SLC24A2: variants seen among roughly 807,000 people sequenced by gnomAD.
SLC24A2 encodes sodium/potassium/calcium exchanger 2.
SLC24A2 carries 36 observed loss-of-function variants against 62.0 expected under a neutral mutation model. The observed-to-expected ratio is 0.58, with a 90% confidence interval of 0.44 to 0.77. The LOEUF is 0.77. Ranked by LOEUF, SLC24A2 falls within the 30% of genes least tolerant of loss-of-function variation. The pLI is 0.00. For missense variants in SLC24A2, 846 were observed against 817.9 expected (o/e 1.03, Z -0.42); for synonymous variants, 358 against 294.0 (o/e 1.22, Z -2.23).
the SLC24A2 span, among the ~76,000 whole-genome samples, chr9:20,239,706 TA>T: frequency 1.3e-5 from 2 of 152,248 alleles, no homozygotes; most frequent in Admixed American, 6.5e-5. Flanking sequence ...CTCTGAACTT[TA>T]GATACCTGAA....
the SLC24A2 span, among the ~76,000 whole-genome samples, chr9:20,227,573 G>A: frequency 6.4e-4 from 92 of 143,570 alleles, no homozygotes; most frequent in Non-Finnish European, 1.2e-3. Flanking sequence ...GAATGAAGAT[G>A]ACTGGAGCTG....
intron 2 of SLC24A2, among the ~76,000 whole-genome samples, chr9:19,644,578 G>A (rs1196183119): frequency 6.6e-6 from 1 of 152,164 alleles, no homozygotes; most frequent in Non-Finnish European, 1.5e-5. Context: ...TTCAAGGTCT[G>A]TGCTCTAATT....
At chr9:19,551,877 C>A (rs543710763) in intron 7 of SLC24A2, among the ~76,000 whole-genome samples, 4 of 152,170 alleles carry the variant, frequency 2.6e-5, no homozygotes, top group Admixed American at 6.5e-5. Context: ...CTAGGAGTTA[C>A]AATTTGAAAT....
chr9:20,065,924 T>G, the SLC24A2 span, among the ~76,000 whole-genome samples: 1 of 152,188 alleles, frequency 6.6e-6, no homozygotes. Context: ...CCCCAAGGGC[T>G]GGAAGGATAA....
the SLC24A2 span, among the ~76,000 whole-genome samples, chr9:20,089,259 A>G: frequency 6.6e-6 from 1 of 152,036 alleles, no homozygotes; most frequent in Non-Finnish European, 1.5e-5. Context: ...ATTGTTCTCC[A>G]TACAGGTCCC....
chr9:20,016,583 G>A, the SLC24A2 span, among the ~76,000 whole-genome samples: 3 of 152,206 alleles, frequency 2.0e-5, no homozygotes, highest in Admixed American at 2.0e-4. Context: ...TAAATAAACT[G>A]TGAACTATGT....
chr9:19,932,077 A>T, the SLC24A2 span, among the ~76,000 whole-genome samples: 1 of 152,208 alleles, frequency 6.6e-6, no homozygotes, highest in East Asian at 1.9e-4. Context: ...ATACGGTCCC[A>T]TTAAACATGA....
At chr9:20,239,140 AAATAGCCACTGAGCAG>A in the SLC24A2 span, among the ~76,000 whole-genome samples, 1 of 152,350 alleles carries the variant, frequency 6.6e-6, no homozygotes, top group South Asian at 2.1e-4. Context: ...CATCCTATCC[AAATAGCCACTGAGCAG>A]AAGCTCACTT....
chr9:19,899,598 G>C, the SLC24A2 span, among the ~76,000 whole-genome samples: 1 of 152,184 alleles, frequency 6.6e-6, no homozygotes, highest in African/African-American at 2.4e-5. Context: ...GTCACAAAGA[G>C]AGCCAATGTT....
chr9:20,292,371 A>AG, the SLC24A2 span, among the ~76,000 whole-genome samples: 2 of 152,308 alleles, frequency 1.3e-5, no homozygotes, highest in Admixed American at 1.3e-4. Flanking sequence ...AATGTAGGAG[A>AG]GGGAAAAAAG....
At chr9:19,739,730 G>T (rs1821617534) in intron 2 of SLC24A2, among the ~76,000 whole-genome samples, 1 of 152,128 alleles carries the variant, frequency 6.6e-6, no homozygotes, top group Non-Finnish European at 1.5e-5. Context: ...TAACACAGGT[G>T]AATATCTTTA....
the SLC24A2 span, among the ~76,000 whole-genome samples, chr9:20,168,823 C>T: frequency 5.9e-5 from 9 of 152,132 alleles, 1 homozygote; most frequent in Admixed American, 4.6e-4. Flanking sequence ...ATAGAACTAC[C>T]ACATGACCCG....
chr9:19,806,827 G>T, the SLC24A2 span, among the ~76,000 whole-genome samples: 1 of 152,066 alleles, frequency 6.6e-6, no homozygotes, highest in Non-Finnish European at 1.5e-5. Flanking sequence ...AGTGTTTTGG[G>T]GATTCTAACA....
the SLC24A2 span, among the ~76,000 whole-genome samples, chr9:20,266,090 G>A: frequency 0.01 from 1,560 of 152,182 alleles, 15 homozygotes; most frequent in Middle Eastern, 0.024. Context: ...TTTTAATTTC[G>A]CCCTGGTCCT....
chr9:19,765,428 C>G (rs945243551), intron 2 of SLC24A2, among the ~76,000 whole-genome samples: 2 of 152,182 alleles, frequency 1.3e-5, no homozygotes, highest in African/African-American at 4.8e-5. Context: ...TTTGCAGTGG[C>G]TGGTACCTGA....
At chr9:19,543,262 A>G (rs1475261243) in intron 8 of SLC24A2, among the ~76,000 whole-genome samples, 3 of 151,910 alleles carry the variant, frequency 2.0e-5, no homozygotes, top group Non-Finnish European at 4.4e-5. Flanking sequence ...TTTCTGTGGG[A>G]TCAGTGGTGA....
the SLC24A2 span, among the ~76,000 whole-genome samples, chr9:19,954,878 A>T: frequency 2.0e-5 from 3 of 152,202 alleles, no homozygotes; most frequent in African/African-American, 7.2e-5. Context: ...CTGTGGGTTA[A>T]CAATTACCAT....
At chr9:19,531,692 A>ACC (rs141054914) in intron 8 of SLC24A2, among the ~76,000 whole-genome samples, 12 of 121,262 alleles carry the variant, frequency 9.9e-5, no homozygotes, top group African/African-American at 1.8e-4. Flanking sequence ...TTTAACAAAG[A>ACC]CCCCCCCCCA....
At chr9:19,720,395 T>G (rs921571255) in intron 2 of SLC24A2, among the ~76,000 whole-genome samples, 1 of 152,130 alleles carries the variant, frequency 6.6e-6, no homozygotes, top group African/African-American at 2.4e-5. Context: ...TACCAGACAC[T>G]GTGAAAGAGC....
Sources: allele counts gnomAD v4.1 joint callset (sites outside exome capture counted in the v4.1 genomes callset), GRCh38; gene constraint gnomAD v4.1.1; transcripts MANE v1.5; gene names NCBI Gene and HGNC (gene_info 2026-07-23, HGNC 2026-07-21).